Variants in GPATCH2 observed in about 807,000 individuals in gnomAD.
The protein encoded by GPATCH2 is G-patch domain containing 2, also known as G patch domain-containing protein 2.
In GPATCH2, 51 loss-of-function variants were observed where a neutral mutation model predicts 58.0. The observed-to-expected ratio is 0.88, with a 90% confidence interval of 0.70 to 1.11. The LOEUF (loss-of-function observed/expected upper bound fraction) is 1.11. Among genes scored for constraint, GPATCH2 ranks in the 50% most tolerant of loss-of-function variants. The pLI is 0.00. For synonymous variants in GPATCH2, 222 were observed against 218.5 expected, an observed-to-expected ratio of 1.02 and a Z score of -0.14; for missense variants, 625 against 652.2, an observed-to-expected ratio of 0.96 and a Z score of 0.45.
chr1:217,576,720 C>T lies in GPATCH2; in HGVS notation c.1098+33601G>A, dbSNP rs945604005. 3.9e-5 allele frequency among the ~76,000 whole-genome samples: 6 copies of T among 152,136 alleles called. No homozygotes were observed. In the East Asian group the frequency reaches 1.2e-3, roughly 29 times the overall value. The stretch of plus-strand genomic sequence containing the variant: ...GACATGACTGTTGACCTACTCATGA[C>T]ATGATCGCACCAGTACGGATTTGGA... On this transcript the variant is annotated intron_variant, in intron 5 of 9. Transcript: ENST00000366935.
At chr1:217,600,445 C>T (rs1449988666) in intron 5 of GPATCH2, among the ~76,000 whole-genome samples, 1 of 152,058 alleles carries the variant, frequency 6.6e-6, no homozygotes, top group Admixed American at 6.6e-5. Context: ...CAGGTGACTT[C>T]CGTATAGAAA....
At chr1:217,513,768 A>G (rs763837919) in intron 6 of GPATCH2, among the ~76,000 whole-genome samples, 2 of 151,920 alleles carry the variant, frequency 1.3e-5, no homozygotes, top group Non-Finnish European at 2.9e-5. Context: ...GGGTCTTTAT[A>G]TTATTACCAA....
chr1:217,537,065 T>C (rs1223760880), intron 5 of GPATCH2, among the ~76,000 whole-genome samples: 1 of 152,184 alleles, frequency 6.6e-6, no homozygotes, highest in African/African-American at 2.4e-5. Flanking sequence ...TTGAATCTGT[T>C]AAAAAAATTC....
At chr1:217,608,918 T>C in intron 5 of GPATCH2, 1 of 983,578 alleles carries the variant, frequency 1.0e-6, no homozygotes, top group Non-Finnish European at 1.2e-6. Context: ...AAAGAAGATG[T>C]CACACATTCC....
chr1:217,592,239 A>G (rs1006190680), intron 5 of GPATCH2, among the ~76,000 whole-genome samples: 3 of 152,026 alleles, frequency 2.0e-5, no homozygotes, highest in Non-Finnish European at 2.9e-5. Context: ...CAATTTGCCA[A>G]TAAGTTACCA....
At chr1:217,531,998 T>C (rs1268042064) in intron 5 of GPATCH2, among the ~76,000 whole-genome samples, 1 of 152,142 alleles carries the variant, frequency 6.6e-6, no homozygotes, top group Non-Finnish European at 1.5e-5. Flanking sequence ...AACCACACCA[T>C]GGAATCTGAA....
intron 5 of GPATCH2, among the ~76,000 whole-genome samples, chr1:217,537,236 G>A (rs764892651): frequency 6.6e-6 from 1 of 151,882 alleles, no homozygotes; most frequent in African/African-American, 2.4e-5. Flanking sequence ...CATTAATAAC[G>A]CACTTTACCG....
At chr1:217,432,746 A>AG (rs986579366) in intron 9 of GPATCH2, among the ~76,000 whole-genome samples, 1 of 152,084 alleles carries the variant, frequency 6.6e-6, no homozygotes, top group African/African-American at 2.4e-5. Context: ...GCAGTCTTTG[A>AG]GAAAAAAAAA....
In GPATCH2 at chr1:217,567,960, CA is replaced by C. The variant is rs372312361; in HGVS notation, c.1098+42360del. 3.4e-4 allele frequency among the ~76,000 whole-genome samples: 51 copies of C among 152,058 alleles called. 1 individual carries two copies. In the South Asian group the frequency reaches 7.3e-3, roughly 22 times the overall value. ...TGAAACCCCGTCTCCACTAAAAATA[CA>C]AAAAAATTAGCCGAGCACGGTGGCG... On this transcript the variant is annotated intron_variant, in intron 5 of 9. Transcript: ENST00000366935.
intron 8 of GPATCH2, among the ~76,000 whole-genome samples, chr1:217,482,806 C>T (rs1486833154): frequency 1.3e-5 from 2 of 152,150 alleles, no homozygotes; most frequent in South Asian, 2.1e-4. Context: ...AGTTTTGACA[C>T]ATTCATACAC....
At chr1:217,484,178 T>G (rs1433217783) in intron 8 of GPATCH2, among the ~76,000 whole-genome samples, 3 of 152,156 alleles carry the variant, frequency 2.0e-5, no homozygotes, top group Non-Finnish European at 2.9e-5. Context: ...ACATTTGAAT[T>G]GGTAGACTGA....
intron 8 of GPATCH2, among the ~76,000 whole-genome samples, chr1:217,480,688 C>A (rs1661174087): frequency 6.6e-6 from 1 of 152,216 alleles, no homozygotes; most frequent in South Asian, 2.1e-4. Context: ...GATACCTGCA[C>A]TCCCATGTTT....
intron 5 of GPATCH2, among the ~76,000 whole-genome samples, chr1:217,585,635 A>T (rs1667303460): frequency 6.6e-6 from 1 of 152,192 alleles, no homozygotes; most frequent in Admixed American, 6.5e-5. Flanking sequence ...TAATAACAAT[A>T]TAAAAAAAGA....
intron 8 of GPATCH2, among the ~76,000 whole-genome samples, chr1:217,451,607 C>G (rs1223894717): frequency 6.6e-6 from 1 of 152,170 alleles, no homozygotes; most frequent in Non-Finnish European, 1.5e-5. Flanking sequence ...CATAATATTA[C>G]CTTTTTGTAA....
At chr1:217,525,813 A>G (rs900439904) in intron 5 of GPATCH2, among the ~76,000 whole-genome samples, 2 of 152,170 alleles carry the variant, frequency 1.3e-5, no homozygotes, top group Admixed American at 6.5e-5. Flanking sequence ...TTATTAATAT[A>G]GCTTTTTGAA....
At chr1:217,439,707 C>CA (rs1359874105) in intron 9 of GPATCH2, among the ~76,000 whole-genome samples, 1 of 152,136 alleles carries the variant, frequency 6.6e-6, no homozygotes, top group Non-Finnish European at 1.5e-5. Context: ...CACAGATATA[C>CA]AAAATACCAT....
In GPATCH2 at chr1:217,572,821, C is replaced by T. The variant is rs527892783; in HGVS notation, c.1098+37500G>A. On this transcript the variant is annotated intron_variant, in intron 5 of 9. Transcript: ENST00000366935. The stretch of plus-strand genomic sequence containing the variant: ...GACTTCCCAAATAACTGGATATATA[C>T]ATAGCCACACATATGAGAGAGAAAA... Among the ~76,000 whole-genome samples the T allele has an allele frequency of 9.9e-5, 15 of 152,284 alleles. No individual in the cohort carries two copies. In the East Asian group the frequency reaches 1.9e-3, roughly 20 times the overall value.
At chr1:217,561,072 A>AAAACAAACAGAC (rs1365656792) in intron 5 of GPATCH2, among the ~76,000 whole-genome samples, 1 of 152,202 alleles carries the variant, frequency 6.6e-6, no homozygotes, top group Admixed American at 6.5e-5. Context: ...TCACTTCTGG[A>AAAACAAACAGAC]AAACAAACAG....
intron 5 of GPATCH2, among the ~76,000 whole-genome samples, chr1:217,535,155 C>T (rs868608043): frequency 1.1e-4 from 16 of 152,326 alleles, no homozygotes; most frequent in Non-Finnish European, 1.9e-4. Flanking sequence ...GACATTTCAA[C>T]TCAGACCTGG....
Sources: allele counts gnomAD v4.1 joint callset (sites outside exome capture counted in the v4.1 genomes callset), GRCh38; gene constraint gnomAD v4.1.1; transcripts MANE v1.5; gene names NCBI Gene and HGNC (gene_info 2026-07-23, HGNC 2026-07-21).